Variants in ZNF512 observed in about 807,000 individuals in gnomAD.
ZNF512 encodes zinc finger protein 512.
A neutral mutation model predicts 77.5 loss-of-function variants in ZNF512; 25 were observed. The observed-to-expected ratio is 0.32, with a 90% CI of 0.23 to 0.45. The LOEUF is 0.45. Ranked by LOEUF, ZNF512 falls within the 20% of genes least tolerant of loss-of-function variation. ZNF512 has a pLI of 1.00. For synonymous variants in ZNF512, 246 were observed against 239.9 expected (o/e 1.03, Z -0.24); for missense variants, 483 against 692.6 (o/e 0.70, Z 3.40).
At chr2:27,606,136 T>G (rs1294221291) in intron 9 of ZNF512, among the ~76,000 whole-genome samples, 6 of 152,200 alleles carry the variant, frequency 3.9e-5, no homozygotes, top group Admixed American at 1.3e-4. Context: ...GAAGTGTCTG[T>G]TCAAATCCTT....
At chr2:27,603,841 T>G (rs1219532694) in intron 9 of ZNF512, among the ~76,000 whole-genome samples, 1 of 151,882 alleles carries the variant, frequency 6.6e-6, no homozygotes, top group Non-Finnish European at 1.5e-5. Flanking sequence ...CAAGTGATCC[T>G]CTTACCTTGA....
intron 9 of ZNF512, among the ~76,000 whole-genome samples, chr2:27,603,573 A>AGTGTGTGTGTGTGTGTGTGTGTGTGT (rs11273312): frequency 0.027 from 3,622 of 132,966 alleles, 169 homozygotes; most frequent in African/African-American, 0.061. Flanking sequence ...ATTTTTATAT[A>AGTGTGTGTGTGTGTGTGTGTGTGTGT]GTGTGTGTGT....
At position 27,593,245 on chromosome 2, in the gene ZNF512, CAA is replaced by C. The variant is rs199929877; in HGVS notation, c.90-4819_90-4818del. Among the ~76,000 whole-genome samples, 813 of 122,810 alleles carry C rather than the reference CAA, an allele frequency of 6.6e-3. 10 individuals are homozygous for C. The highest frequency in any genetic ancestry group is 0.023 in the African/African-American group (761 of 33,052). 80.6% of individuals were successfully genotyped at this position (122,810 alleles called of 152,430 possible). A position where few individuals can be genotyped will look rare whatever the true frequency, so the allele number is the denominator to read the frequency against. On this transcript the variant is annotated intron_variant, in intron 2 of 13. Transcript: ENST00000355467. ...ACACACACACACACACACACACACA[CAA>C]AAGAATGAGCTGGGTACCGTGGCAC...
chr2:27,598,379 C>T (rs1348332344), intron 3 of ZNF512, 125 bp downstream of exon 3: 8 of 989,822 alleles, frequency 8.1e-6, no homozygotes, highest in Middle Eastern at 3.3e-4. Flanking sequence ...CCTGTAATCC[C>T]AGCACTTTGG....
chr2:27,598,410 A>G (rs1203722778), intron 3 of ZNF512, among the ~76,000 whole-genome samples, 156 bp downstream of exon 3: 1 of 152,174 alleles, frequency 6.6e-6, no homozygotes, highest in Non-Finnish European at 1.5e-5. Context: ...CGGGCGGATC[A>G]CAAGGTCAGG....
intron 10 of ZNF512, among the ~76,000 whole-genome samples, chr2:27,610,566 ATATTTTTTTTTTTT>A (rs1282020249): frequency 3.7e-5 from 1 of 27,012 alleles, no homozygotes; most frequent in South Asian, 1.7e-3. Flanking sequence ...ATATATATAT[ATATTTTTTTTTTTT>A]TTTTTTTTTT....
At chr2:27,593,633 A>G (rs1026507012) in intron 2 of ZNF512, among the ~76,000 whole-genome samples, 3 of 151,940 alleles carry the variant, frequency 2.0e-5, no homozygotes, top group Non-Finnish European at 4.4e-5. Context: ...AAACAAAAAG[A>G]TGTATCTTGG....
chr2:27,609,409 G>T (rs1572928037), intron 10 of ZNF512, among the ~76,000 whole-genome samples: 1 of 152,016 alleles, frequency 6.6e-6, no homozygotes, highest in Non-Finnish European at 1.5e-5. Flanking sequence ...GTTTCAGTAC[G>T]CATAGGATAT....
At chr2:27,611,448 T>C (rs956333292) in intron 10 of ZNF512, among the ~76,000 whole-genome samples, 3 of 152,188 alleles carry the variant, frequency 2.0e-5, no homozygotes, top group African/African-American at 7.2e-5. Flanking sequence ...AGAATACCAC[T>C]GAAGCATGTT....
chr2:27,618,280 T>G (rs189651919), intron 13 of ZNF512, among the ~76,000 whole-genome samples: 1 of 152,362 alleles, frequency 6.6e-6, no homozygotes, highest in Admixed American at 6.5e-5. Flanking sequence ...AGATTGAGTT[T>G]ACATGTTTGA....
At chr2:27,611,697 A>ATT (rs1265896912) in intron 10 of ZNF512, among the ~76,000 whole-genome samples, 20 of 137,046 alleles carry the variant, frequency 1.5e-4, no homozygotes, top group African/African-American at 4.3e-4. Flanking sequence ...TGCCAGTAGC[A>ATT]TTTTTTTTTT....
chr2:27,617,709 C>T (rs1672943396), intron 13 of ZNF512, 138 bp downstream of exon 13: 1 of 572,912 alleles, frequency 1.7e-6, no homozygotes, highest in East Asian at 2.8e-5. Context: ...AAAATATTCT[C>T]TAAACTTAGA....
chr2:27,599,880 G>T, intron 4 of ZNF512, 90 bp from the exon 5 acceptor site: 1 of 1,441,066 alleles, frequency 6.9e-7, no homozygotes. Context: ...TGAGGGACTG[G>T]GAAATAGGGT....
chr2:27,600,914 C>A, intron 6 of ZNF512, 99 bp downstream of exon 6: 1 of 1,429,864 alleles, frequency 7.0e-7, no homozygotes, highest in Admixed American at 2.4e-5. Context: ...GGATGAAAAG[C>A]AGCATTGTAT....
chr2:27,606,042 TC>T (rs1287730597), intron 9 of ZNF512, among the ~76,000 whole-genome samples: 1 of 152,202 alleles, frequency 6.6e-6, no homozygotes, highest in African/African-American at 2.4e-5. Flanking sequence ...GTTTAAATTT[TC>T]ATTTCCCTAA....
At chr2:27,610,572 T>A (rs866765847) in intron 10 of ZNF512, among the ~76,000 whole-genome samples, 858 of 22,728 alleles carry the variant, frequency 0.038, 33 homozygotes, top group African/African-American at 0.13. Flanking sequence ...ATATATATTT[T>A]TTTTTTTTTT....
intron 9 of ZNF512, among the ~76,000 whole-genome samples, chr2:27,607,029 C>T (rs576449971): frequency 1.3e-5 from 2 of 152,186 alleles, no homozygotes; most frequent in South Asian, 4.2e-4. Flanking sequence ...GTCTCTCATG[C>T]TTTGAATCTC....
intron 2 of ZNF512, among the ~76,000 whole-genome samples, chr2:27,595,340 G>A (rs1169109366): frequency 1.5e-5 from 2 of 136,006 alleles, no homozygotes; most frequent in African/African-American, 5.7e-5. Context: ...TCGCACTGTC[G>A]CCCAGGCTGG....
intron 2 of ZNF512, among the ~76,000 whole-genome samples, chr2:27,586,481 T>G (rs1218570586): frequency 6.6e-6 from 1 of 150,896 alleles, no homozygotes; most frequent in Non-Finnish European, 1.5e-5. Flanking sequence ...TCGCCCATCT[T>G]GGCCTTCCAA....
Sources: gnomAD v4.1 joint callset for allele counts (sites outside exome capture counted in the v4.1 genomes callset) on GRCh38, gnomAD v4.1.1 for gene constraint, MANE v1.5 for transcripts, NCBI Gene and HGNC (gene_info 2026-07-23, HGNC 2026-07-21) for gene names.